The following DLG2 variants were observed in gnomAD, a reference collection of about 807,000 sequenced individuals.
DLG2 encodes discs large MAGUK scaffold protein 2, also known as disks large homolog 2.
Under a neutral mutation model 132.5 loss-of-function variants are expected in DLG2, and 45 were observed. The ratio of observed to expected loss-of-function variants is 0.34; its 90% confidence interval spans 0.27 to 0.44. The LOEUF is 0.44. DLG2 is among the 20% of genes least tolerant of loss of function. DLG2 has a pLI of 1.00. For synonymous variants in DLG2, 424 were observed against 419.6 expected (o/e 1.01, Z -0.13); for missense variants, 1,045 against 1,196.9 (o/e 0.87, Z 1.87).
chr11:84,667,917 T>C (rs2099701605), intron 6 of DLG2, among the ~76,000 whole-genome samples: 1 of 152,130 alleles, frequency 6.6e-6, no homozygotes. Context: ...ACTTGAGTCA[T>C]TATTCTGGAT....
chr11:85,173,979 C>G (rs1386167687), intron 4 of DLG2, among the ~76,000 whole-genome samples: 1 of 151,934 alleles, frequency 6.6e-6, no homozygotes. Flanking sequence ...AAGAAAGTTC[C>G]TAGAGAACTA....
chr11:84,452,377 G>C (rs1445358624), intron 7 of DLG2, among the ~76,000 whole-genome samples: 1 of 151,704 alleles, frequency 6.6e-6, no homozygotes, highest in South Asian at 2.1e-4. Flanking sequence ...CTTTTGCTAT[G>C]AATGAGACAG....
chr11:84,189,805 C>T (rs1158705670), intron 8 of DLG2, among the ~76,000 whole-genome samples: 2 of 152,042 alleles, frequency 1.3e-5, no homozygotes, highest in African/African-American at 4.8e-5. Flanking sequence ...TGAAACAACA[C>T]ACACTGGGTC....
intron 6 of DLG2, among the ~76,000 whole-genome samples, chr11:85,038,179 A>G (rs1309138237): frequency 6.6e-6 from 1 of 152,108 alleles, no homozygotes; most frequent in African/African-American, 2.4e-5. Flanking sequence ...GAGGAGAATA[A>G]AGATCTCTCT....
chr11:84,342,514 G>T (rs781430116), intron 7 of DLG2, among the ~76,000 whole-genome samples: 6 of 152,100 alleles, frequency 3.9e-5, no homozygotes, highest in Non-Finnish European at 8.8e-5. Flanking sequence ...TGTCTTTTGG[G>T]TATCTGTTGA....
intron 9 of DLG2, among the ~76,000 whole-genome samples, chr11:84,159,623 G>A (rs1166880778): frequency 5.9e-5 from 9 of 152,154 alleles, no homozygotes; most frequent in South Asian, 2.1e-4. Flanking sequence ...AGAAGGCCTT[G>A]TATGTAATGA....
chr11:83,490,471 G>A (rs1488497640), intron 21 of DLG2, among the ~76,000 whole-genome samples: 1 of 151,940 alleles, frequency 6.6e-6, no homozygotes, highest in Non-Finnish European at 1.5e-5. Flanking sequence ...TCACCATTTT[G>A]TAATCATCAC....
intron 6 of DLG2, among the ~76,000 whole-genome samples, chr11:84,674,790 T>A (rs1212084806): frequency 6.6e-6 from 1 of 152,172 alleles, no homozygotes; most frequent in African/African-American, 2.4e-5. Context: ...TTACTACTTT[T>A]GCGTGTGTTC....
At chr11:84,258,094 T>C (rs2097503448) in intron 7 of DLG2, among the ~76,000 whole-genome samples, 1 of 152,140 alleles carries the variant, frequency 6.6e-6, no homozygotes, top group Non-Finnish European at 1.5e-5. Context: ...CTCCTTCCTC[T>C]GGTGTAGTTG....
Position 85,154,571 on chromosome 11 carries a change from A to C in DLG2, c.267T>G (p.Thr89=). 1 of 1,502,012 alleles carries C rather than the reference A, an allele frequency of 6.7e-7. No individual in the cohort carries two copies. The highest frequency in any genetic ancestry group is 9.1e-7 in the Non-Finnish European group (1 of 1,103,186). The allele number at this position is 1,502,012 out of a possible 1,614,324, so 93.0% of individuals were successfully genotyped here. ...TAACACTTACAGTTGTCGTCTCATC[A>C]GTTTCATTTTCAAAACTCTGATTTT... The part of the protein sequence containing the change: ...NKENQSFENE[T]DETTTQNQGR... Residue 89 remains threonine (T), a synonymous_variant, in exon 5 of 28, where the codon ACT becomes ACG. Transcript: ENST00000376104.
Position 85,268,724 on chromosome 11 carries a change from G to A in DLG2, c.186+16496C>T, listed in dbSNP as rs376095654. ...TTACAAGGATAAATACTTCACTGTCGTCCTATTTTCTTAATGTTTATAATA... is the reference window on the plus strand; with the variant it reads ...TTACAAGGATAAATACTTCACTGTCATCCTATTTTCTTAATGTTTATAATA... On this transcript the variant is annotated intron_variant, in intron 4 of 27. Coordinates refer to ENST00000376104, the MANE Select transcript of DLG2 (RefSeq NM_001142699.3). Among the ~76,000 whole-genome samples the A allele has an allele frequency of 7.2e-5, 11 of 152,134 alleles. No individual in the cohort carries two copies. The South Asian group carries it at 1.0e-3, about 14-fold the overall frequency.
intron 3 of DLG2, among the ~76,000 whole-genome samples, chr11:85,553,189 T>C (rs1213636124): frequency 1.3e-5 from 2 of 151,594 alleles, no homozygotes; most frequent in East Asian, 3.9e-4. Context: ...TACATACTGG[T>C]GATAGGAATA....
At chr11:84,321,733 C>A (rs2098405815) in intron 7 of DLG2, among the ~76,000 whole-genome samples, 1 of 152,158 alleles carries the variant, frequency 6.6e-6, no homozygotes, top group Non-Finnish European at 1.5e-5. Context: ...GATTACTATG[C>A]AACACAGCTC....
At chr11:84,001,953 A>C (rs1263373393) in intron 11 of DLG2, among the ~76,000 whole-genome samples, 1 of 152,180 alleles carries the variant, frequency 6.6e-6, no homozygotes, top group African/African-American at 2.4e-5. Context: ...CAGTACTAAG[A>C]GGGAATTTTA....
chr11:83,824,441 G>C (rs2051879970), intron 17 of DLG2, among the ~76,000 whole-genome samples: 1 of 152,028 alleles, frequency 6.6e-6, no homozygotes, highest in Non-Finnish European at 1.5e-5. Flanking sequence ...GTAGCTTTTG[G>C]TACTTTGTGA....
At chr11:84,712,037 C>T (rs560072924) in intron 6 of DLG2, among the ~76,000 whole-genome samples, 5 of 151,940 alleles carry the variant, frequency 3.3e-5, no homozygotes, top group Non-Finnish European at 7.4e-5. Context: ...AATTAGGATA[C>T]AATTATTAAG....
intron 3 of DLG2, among the ~76,000 whole-genome samples, chr11:85,350,466 G>T (rs900842896): frequency 2.0e-5 from 3 of 152,156 alleles, no homozygotes; most frequent in Non-Finnish European, 2.9e-5. Context: ...TGGTGTTTTA[G>T]TCATGAAGTC....
At chr11:84,585,906 C>T (rs989254782) in intron 6 of DLG2, among the ~76,000 whole-genome samples, 4 of 152,196 alleles carry the variant, frequency 2.6e-5, no homozygotes, top group African/African-American at 9.6e-5. Flanking sequence ...AATCCTAACA[C>T]TTTGGGAGGC....
At chr11:85,430,982 A>T (rs2091141608) in intron 3 of DLG2, among the ~76,000 whole-genome samples, 1 of 152,186 alleles carries the variant, frequency 6.6e-6, no homozygotes, top group Non-Finnish European at 1.5e-5. Flanking sequence ...AAAAACAAAG[A>T]AACAGAAAAA....
Sources: allele counts gnomAD v4.1 joint callset (sites outside exome capture counted in the v4.1 genomes callset), GRCh38; gene constraint gnomAD v4.1.1; transcripts MANE v1.5; gene names NCBI Gene and HGNC (gene_info 2026-07-23, HGNC 2026-07-21).